The following SLC36A1 variants were observed in gnomAD, a reference collection of about 807,000 sequenced individuals.
SLC36A1 encodes the protein proton-coupled amino acid transporter 1.
SLC36A1 carries 30 observed loss-of-function variants against 47.5 expected under a neutral mutation model. The observed-to-expected ratio is 0.63, with a 90% CI of 0.47 to 0.86. SLC36A1 has a LOEUF of 0.86. SLC36A1 is among the 40% of genes least tolerant of loss of function. The pLI is 0.00. For missense variants in SLC36A1, 517 were observed against 606.0 expected (o/e 0.85, Z 1.54); for synonymous variants, 255 against 249.7 (o/e 1.02, Z -0.20).
the SLC36A1 span, among the ~76,000 whole-genome samples, chr5:151,420,343 G>T: frequency 6.6e-6 from 1 of 152,160 alleles, no homozygotes; most frequent in Non-Finnish European, 1.5e-5. Flanking sequence ...GGTCACTTTG[G>T]CCCATGGCGG....
Position 151,489,706 on chromosome 5 carries a change from G to T in SLC36A1, c.*1452G>T, listed in dbSNP as rs1014366521. 1 of 152,256 alleles carries T rather than the reference G, an allele frequency of 6.6e-6. No homozygotes were observed. The highest frequency in any genetic ancestry group is 2.4e-5 in the African/African-American group (1 of 41,444). 9.4% of individuals were successfully genotyped at this position (152,256 alleles called of 1,614,324 possible). A position where few individuals can be genotyped will look rare whatever the true frequency, so the allele number is the denominator to read the frequency against. On this transcript the variant is annotated 3_prime_UTR_variant, in exon 11 of 11. Coordinates refer to ENST00000243389, the MANE Select transcript of SLC36A1 (RefSeq NM_078483.4). This position sits in a 1 kb window ranked among gnomAD's most constrained non-coding sequence, Gnocchi z 4.5. ...GAGGAAGATACATTGCCTTGCTGTG[G>T]GCTGCCTCTTCTTTCCTCTTGGTGT...
downstream of SLC36A1, among the ~76,000 whole-genome samples, chr5:151,496,282 G>C (rs548010870): frequency 6.6e-6 from 1 of 152,150 alleles, no homozygotes; most frequent in Non-Finnish European, 1.5e-5. Flanking sequence ...CTTGCCTTCC[G>C]CCGCGATTGT....
At chr5:151,394,037 C>A in the SLC36A1 span, among the ~76,000 whole-genome samples, 3 of 152,170 alleles carry the variant, frequency 2.0e-5, no homozygotes, top group African/African-American at 7.2e-5. Context: ...CTTTCAGGTA[C>A]GCCAATCAGA....
At chr5:151,401,489 G>C in the SLC36A1 span, among the ~76,000 whole-genome samples, 1 of 152,074 alleles carries the variant, frequency 6.6e-6, no homozygotes, top group African/African-American at 2.4e-5. Flanking sequence ...TTTTGCTCAG[G>C]ATTGCTTTGG....
At chr5:151,382,332 C>A in the SLC36A1 span, 2 of 929,504 alleles carry the variant, frequency 2.2e-6, no homozygotes, top group Admixed American at 1.8e-5. Flanking sequence ...CAAGTTCAGC[C>A]TCCCTGTAGA....
chr5:151,427,013 C>G, the SLC36A1 span, among the ~76,000 whole-genome samples: 2 of 152,208 alleles, frequency 1.3e-5, no homozygotes, highest in Admixed American at 1.3e-4. Context: ...GTTGGGGCTA[C>G]AGGTACAGAT....
chr5:151,369,013 A>T, the SLC36A1 span, among the ~76,000 whole-genome samples: 3 of 152,230 alleles, frequency 2.0e-5, no homozygotes, highest in African/African-American at 7.2e-5. Flanking sequence ...TAACACGTGG[A>T]TGGAAAAAGC....
At chr5:151,453,670 T>G (rs1019922768) in intron 1 of SLC36A1, among the ~76,000 whole-genome samples, 2 of 152,088 alleles carry the variant, frequency 1.3e-5, no homozygotes, top group African/African-American at 4.8e-5. Flanking sequence ...AAAACAACTT[T>G]GGGATTAGAA....
intron 5 of SLC36A1, among the ~76,000 whole-genome samples, chr5:151,465,428 C>T (rs563821755): frequency 2.6e-5 from 4 of 152,270 alleles, no homozygotes; most frequent in South Asian, 2.1e-4. Flanking sequence ...CCAGCTTTGG[C>T]GGTCTATGAC....
chr5:151,521,271 C>T, the SLC36A1 span: 1 of 1,600,580 alleles, frequency 6.2e-7, no homozygotes, highest in Non-Finnish European at 8.5e-7. Context: ...AGATGTAGTA[C>T]TTACCATTGC....
chr5:151,519,713 T>G, the SLC36A1 span, among the ~76,000 whole-genome samples: 1 of 152,196 alleles, frequency 6.6e-6, no homozygotes, highest in Non-Finnish European at 1.5e-5. Context: ...GTACTTATGA[T>G]ACATGAATTG....
At chr5:151,383,613 C>T in the SLC36A1 span, among the ~76,000 whole-genome samples, 1 of 145,008 alleles carries the variant, frequency 6.9e-6, no homozygotes, top group Non-Finnish European at 1.5e-5. Flanking sequence ...CGCTCTGTCG[C>T]CCAGACTGGA....
At chr5:151,470,591 T>C (rs1757181618) in intron 7 of SLC36A1, among the ~76,000 whole-genome samples, 1 of 152,226 alleles carries the variant, frequency 6.6e-6, no homozygotes, top group African/African-American at 2.4e-5. Flanking sequence ...TGTGTTTTGA[T>C]GTAGTCACTG....
chr5:151,367,626 C>G, the SLC36A1 span, among the ~76,000 whole-genome samples: 1 of 152,172 alleles, frequency 6.6e-6, no homozygotes, highest in African/African-American at 2.4e-5. Flanking sequence ...ACAGTTAACA[C>G]AATTATCACA....
At chr5:151,382,035 C>A in the SLC36A1 span, 2 of 664,996 alleles carry the variant, frequency 3.0e-6, no homozygotes, top group East Asian at 2.7e-5. Flanking sequence ...GGGAGCTCTC[C>A]CAGTCTTTGC....
chr5:151,467,093 T>G, intron 5 of SLC36A1, 106 bp from the exon 6 acceptor site: 1 of 815,572 alleles, frequency 1.2e-6, no homozygotes, highest in South Asian at 1.6e-5. Context: ...ACAGCACTTG[T>G]ACTCCCTAAA....
At chr5:151,358,947 G>GTCCGCAT in the SLC36A1 span, among the ~76,000 whole-genome samples, 1 of 136,396 alleles carries the variant, frequency 7.3e-6, no homozygotes, top group African/African-American at 2.9e-5. Context: ...GCAGTCCGCA[G>GTCCGCAT]TCCGGCCTGG....
chr5:151,553,990 A>G, the SLC36A1 span, among the ~76,000 whole-genome samples: 1 of 152,226 alleles, frequency 6.6e-6, no homozygotes, highest in Non-Finnish European at 1.5e-5. Context: ...CTCACAAGAA[A>G]GACGTTCTTA....
the SLC36A1 span, among the ~76,000 whole-genome samples, chr5:151,499,932 GCTC>G: frequency 2.6e-5 from 4 of 151,964 alleles, no homozygotes; most frequent in African/African-American, 9.7e-5. Context: ...CTTCTGGCCT[GCTC>G]CTCTAGCGAT....
Sources: gnomAD v4.1 joint callset for allele counts (sites outside exome capture counted in the v4.1 genomes callset) on GRCh38, gnomAD v4.1.1 for gene constraint, Gnocchi (gnomAD v3.1) non-coding constraint, MANE v1.5 for transcripts, NCBI Gene and HGNC (gene_info 2026-07-23, HGNC 2026-07-21) for gene names.